The following MTG1 variants were observed in gnomAD, a reference collection of about 807,000 sequenced individuals.
MTG1 encodes mitochondrial ribosome associated GTPase 1.
In MTG1, 30 loss-of-function variants were observed where a neutral mutation model predicts 39.5. That is an observed-to-expected ratio of 0.76 (90% CI 0.57 to 1.03). The LOEUF (loss-of-function observed/expected upper bound fraction) is 1.03. Ranked by LOEUF, MTG1 falls within the 50% of genes least tolerant of loss-of-function variation. The pLI is 0.00. For synonymous variants in MTG1, 217 were observed against 179.0 expected, an observed-to-expected ratio of 1.21 and a Z score of -1.69; for missense variants, 513 against 447.4, an observed-to-expected ratio of 1.15 and a Z score of -1.32.
chr10:133,415,479 G>T (rs918662928), intron 9 of MTG1, among the ~76,000 whole-genome samples: 3 of 152,046 alleles, frequency 2.0e-5, no homozygotes, highest in Non-Finnish European at 4.4e-5. Flanking sequence ...AGAGGGGTTG[G>T]TCTCCCTTTC....
chr10:133,398,858 G>A (rs1437463965), intron 4 of MTG1, among the ~76,000 whole-genome samples: 1 of 152,142 alleles, frequency 6.6e-6, no homozygotes, highest in African/African-American at 2.4e-5. Flanking sequence ...GGTCTGCCCT[G>A]CTTGTTTTTG....
At chr10:133,409,653 C>A (rs577550812) in intron 9 of MTG1, among the ~76,000 whole-genome samples, 2 of 152,260 alleles carry the variant, frequency 1.3e-5, no homozygotes, top group African/African-American at 4.8e-5. Flanking sequence ...TGCACTCTGC[C>A]TCTCACTTTC....
intron 9 of MTG1, among the ~76,000 whole-genome samples, chr10:133,415,225 C>T (rs186499861): frequency 5.2e-4 from 79 of 152,072 alleles, no homozygotes; most frequent in African/African-American, 1.8e-3. Flanking sequence ...GGAGCGGGAG[C>T]GGGCGCCCCT....
At chr10:133,407,483 C>T (rs567109556) in intron 9 of MTG1, among the ~76,000 whole-genome samples, 2 of 151,368 alleles carry the variant, frequency 1.3e-5, no homozygotes, top group Admixed American at 6.6e-5. Context: ...TATAGTTTTC[C>T]TTGTAGAGAT....
rs1333061344 is a variant in MTG1, at chr10:133,395,840, C to G, written c.177+63C>G. The G allele has an allele frequency of 4.6e-6, 7 of 1,528,834 alleles. No individual in the cohort carries two copies. In the African/African-American group the frequency reaches 8.2e-5, roughly 18 times the overall value. The allele number at this position is 1,528,834 out of a possible 1,614,324, so 94.7% of individuals were successfully genotyped here. On this transcript the variant is annotated intron_variant, in intron 2 of 10. Transcript: ENST00000317502. ...AAGTCATATTACACATTAGAATTACCTGGGGAGGCTTTTAAAAATATGAAT... is the reference window on the plus strand; with the variant it reads ...AAGTCATATTACACATTAGAATTACGTGGGGAGGCTTTTAAAAATATGAAT...
chr10:133,395,699 C>T lies in MTG1; in HGVS notation c.113-14C>T. On this transcript the variant is annotated splice_polypyrimidine_tract_variant and intron_variant, in intron 1 of 10. Transcript: ENST00000317502. ...TTGTGAGCCCCTTCGCTGAGGCGTCCTTCTGTTTTCCAGGGCTGAAGAAGA... is the reference window on the plus strand; with the variant it reads ...TTGTGAGCCCCTTCGCTGAGGCGTCTTTCTGTTTTCCAGGGCTGAAGAAGA... 2.5e-6 allele frequency: 4 copies of T among 1,613,784 alleles called. No individual in the cohort carries two copies. The African/African-American group carries it at 4.0e-5, about 16-fold the overall frequency.
chr10:133,415,520 C>T (rs576687498), intron 9 of MTG1, among the ~76,000 whole-genome samples: 89 of 151,974 alleles, frequency 5.9e-4, no homozygotes, highest in Middle Eastern at 3.4e-3. Context: ...GAGCCGTCTG[C>T]GGTCATGTTT....
chr10:133,394,264 C>T lies in MTG1; in HGVS notation c.44C>T (p.Ala15Val). 2.6e-6 allele frequency: 4 copies of T among 1,517,572 alleles called. No individual in the cohort carries two copies. Among genetic ancestry groups the T allele is most frequent in the South Asian group, 1.2e-5 (1 of 82,026 alleles). The allele number at this position is 1,517,572 out of a possible 1,614,324, so 94.0% of individuals were successfully genotyped here. Residue 15 changes from alanine to valine, a missense_variant, in exon 1 of 11, where the codon GCC becomes GTC. Ala to Val is a moderately conservative substitution (Grantham distance 64, BLOSUM62 0). Coordinates refer to ENST00000317502, the MANE Select transcript of MTG1 (RefSeq NM_138384.4). ...PRALCSAAQAAWRENFPLCGR... is the reference protein window; with the variant it reads ...PRALCSAAQAVWRENFPLCGR... ...GCGCTGTGCAGCGCCGCCCAGGCCG[C>T]CTGGCGGGAGAACTTCCCCCTGTGC...
chr10:133,416,080 C>T (rs749203883), intron 9 of MTG1, among the ~76,000 whole-genome samples: 47 of 129,740 alleles, frequency 3.6e-4, no homozygotes, highest in Non-Finnish European at 6.5e-4. Context: ...TTTGCCCCAC[C>T]GCAGCTCAGT....
intron 5 of MTG1, 118 bp downstream of exon 5, chr10:133,399,344 G>C: frequency 7.6e-7 from 1 of 1,312,608 alleles, no homozygotes; most frequent in Non-Finnish European, 1.1e-6. Flanking sequence ...CCCCTCCTTT[G>C]TCCTCTCATT....
At chr10:133,403,630 C>T (rs1053836473) in intron 9 of MTG1, among the ~76,000 whole-genome samples, 5 of 152,192 alleles carry the variant, frequency 3.3e-5, no homozygotes, top group African/African-American at 1.2e-4. Context: ...TGTTGCCAGG[C>T]GGTTTCAGTG....
intron 9 of MTG1, among the ~76,000 whole-genome samples, chr10:133,410,215 A>G (rs1023131321): frequency 7.9e-5 from 12 of 151,504 alleles, no homozygotes; most frequent in Admixed American, 3.3e-4. Context: ...TGGCTGTTTT[A>G]TTTATTTATT....
At chr10:133,414,977 A>C (rs1461427303) in intron 9 of MTG1, among the ~76,000 whole-genome samples, 2 of 152,252 alleles carry the variant, frequency 1.3e-5, no homozygotes, top group Non-Finnish European at 2.9e-5. Flanking sequence ...CAGCCCGGCC[A>C]ACACAGCGAA....
intron 6 of MTG1, among the ~76,000 whole-genome samples, chr10:133,400,095 G>T (rs1476364306): frequency 6.6e-6 from 1 of 152,176 alleles, no homozygotes; most frequent in African/African-American, 2.4e-5. Context: ...AGGAGGCTGA[G>T]GCAGGAGAAT....
rs1056314099 is a variant in MTG1 at position 133,422,331 on chromosome 10, A to G, written c.*2166A>G. ...GGGCTGCCTTCAGGGAAATGCGTGC[A>G]CCGTGCAGCCTGTGCTGTGCCCAGG... On this transcript the variant is annotated 3_prime_UTR_variant, in exon 11 of 11. Coordinates refer to ENST00000317502, the MANE Select transcript of MTG1 (RefSeq NM_138384.4). 2.0e-5 allele frequency: 3 copies of G among 152,356 alleles called. No individual in the cohort carries two copies. Among genetic ancestry groups the G allele is most frequent in the Admixed American group, 2.0e-4 (3 of 15,284 alleles). The allele number at this position is 152,356 out of a possible 1,614,324, so 9.4% of individuals were successfully genotyped here. A position where few individuals can be genotyped will look rare whatever the true frequency, so the allele number is the denominator to read the frequency against.
At chr10:133,400,383 C>A (rs1399018664) in intron 6 of MTG1, among the ~76,000 whole-genome samples, 2 of 152,346 alleles carry the variant, frequency 1.3e-5, no homozygotes, top group Middle Eastern at 3.4e-3. Context: ...TGTGCCTGTT[C>A]TCAGACTCTG....
At chr10:133,394,542 C>T in intron 1 of MTG1, 1 of 1,336,336 alleles carries the variant, frequency 7.5e-7, no homozygotes, top group Middle Eastern at 2.8e-4. Context: ...AGGCCCGTTC[C>T]CGCGAGTGCC....
At position 133,394,255 on chromosome 10, in the gene MTG1, C is replaced by G; in HGVS notation, c.35C>G (p.Ala12Gly). The G allele has an allele frequency of 3.3e-6, 5 of 1,518,246 alleles. No homozygotes were observed. Among genetic ancestry groups the G allele is most frequent in the Non-Finnish European group, 4.4e-6 (5 of 1,137,658 alleles). The allele number at this position is 1,518,246 out of a possible 1,614,324, so 94.0% of individuals were successfully genotyped here. Reference protein sequence around the residue: ...RLTPRALCSAAQAAWRENFPL... With the variant: ...RLTPRALCSAGQAAWRENFPL... ...ACCCCGCGCGCGCTGTGCAGCGCCG[C>G]CCAGGCCGCCTGGCGGGAGAACTTC... Residue 12 changes from alanine to glycine, a missense_variant, in exon 1 of 11, where the codon GCC becomes GGC. Transcript: ENST00000317502.
At chr10:133,396,363 G>C in intron 3 of MTG1, 96 bp downstream of exon 3, 1 of 1,077,848 alleles carries the variant, frequency 9.3e-7, no homozygotes, top group Non-Finnish European at 1.4e-6. Context: ...ACACTTGTCA[G>C]TTTGCCCAGG....
Sources: gnomAD v4.1 joint callset for allele counts (sites outside exome capture counted in the v4.1 genomes callset) on GRCh38, gnomAD v4.1.1 for gene constraint, MANE v1.5 for transcripts, NCBI Gene and HGNC (gene_info 2026-07-23, HGNC 2026-07-21) for gene names.